Variants in HIVEP3 observed in about 807,000 individuals in gnomAD.
The protein encoded by HIVEP3 is HIVEP zinc finger 3, also known as transcription factor HIVEP3.
Under a neutral mutation model 152.8 loss-of-function variants are expected in HIVEP3, and 49 were observed. The ratio of observed to expected loss-of-function variants is 0.32; its 90% CI spans 0.26 to 0.41. The LOEUF (loss-of-function observed/expected upper bound fraction) is 0.41. Among genes scored for constraint, HIVEP3 ranks in the 10% least tolerant of loss-of-function variants. The probability of loss-of-function intolerance (pLI) is 1.00; values close to 1 mark genes in which losing one functional copy is unlikely to be tolerated. For synonymous variants in HIVEP3, 1,269 were observed against 1,289.0 expected, an observed-to-expected ratio of 0.98 and a Z score of 0.33; for missense variants, 2,790 against 3,103.3, an observed-to-expected ratio of 0.90 and a Z score of 2.40.
At chr1:41,959,584 C>T (rs1645158487) in intron 1 of HIVEP3, among the ~76,000 whole-genome samples, 1 of 152,208 alleles carries the variant, frequency 6.6e-6, no homozygotes, top group African/African-American at 2.4e-5. Flanking sequence ...GGACATAACA[C>T]CCTGTACAGG....
intron 1 of HIVEP3, among the ~76,000 whole-genome samples, chr1:41,910,804 G>GA (rs1298410322): frequency 6.6e-6 from 1 of 151,784 alleles, no homozygotes; most frequent in African/African-American, 2.4e-5. Context: ...TAATTTGAAA[G>GA]AAAAAAAGCT....
intron 1 of HIVEP3, among the ~76,000 whole-genome samples, chr1:41,845,776 A>G (rs1643426755): frequency 6.6e-6 from 1 of 152,168 alleles, no homozygotes; most frequent in Admixed American, 6.5e-5. Context: ...AATTAAAAAT[A>G]AAATTGGAGG....
At chr1:41,547,315 A>G (rs1162385861) in intron 5 of HIVEP3, among the ~76,000 whole-genome samples, 1 of 152,240 alleles carries the variant, frequency 6.6e-6, no homozygotes, top group Non-Finnish European at 1.5e-5. Flanking sequence ...AAATAGTAAA[A>G]GTCAAGCTAA....
At chr1:41,741,497 C>T (rs1483934395) in intron 1 of HIVEP3, among the ~76,000 whole-genome samples, 4 of 152,206 alleles carry the variant, frequency 2.6e-5, no homozygotes, top group South Asian at 2.1e-4. Context: ...AAGCTGCCCT[C>T]GCAGGGTGCA....
rs1645765154 is a variant in HIVEP3, at chr1:41,664,533, TC to T, written c.-720-35587del. Among the ~76,000 whole-genome samples, 1 of 152,236 alleles carries T rather than the reference TC, an allele frequency of 6.6e-6. No homozygotes were observed. The highest frequency in any genetic ancestry group is 1.5e-5 in the Non-Finnish European group (1 of 68,042). On this transcript the variant is annotated intron_variant, in intron 2 of 8. Transcript: ENST00000372583. This position sits in a 1 kb window ranked among gnomAD's most constrained non-coding sequence, Gnocchi z 4.4. ...ACATTGAAGTCAGTTATTGGGGGCC[TC>T]CTCTTCCTCAGACTGGGAGCTTCAG...
At chr1:41,681,997 G>C (rs1043000382) in intron 2 of HIVEP3, among the ~76,000 whole-genome samples, 1 of 152,010 alleles carries the variant, frequency 6.6e-6, no homozygotes, top group African/African-American at 2.4e-5. Flanking sequence ...ATAATCAAGG[G>C]AGCTCAGCCA....
chr1:41,818,348 C>T (rs1570601289), intron 1 of HIVEP3, among the ~76,000 whole-genome samples: 1 of 152,188 alleles, frequency 6.6e-6, no homozygotes, highest in East Asian at 1.9e-4. Context: ...TCTTCGTGTC[C>T]TGCTGGTGGG....
At chr1:41,991,900 C>A (rs1305323265) in intron 1 of HIVEP3, among the ~76,000 whole-genome samples, 3 of 127,200 alleles carry the variant, frequency 2.4e-5, no homozygotes, top group Admixed American at 7.9e-5. Context: ...ACAAAAACCA[C>A]ATGATTATCT....
chr1:41,656,353 T>G (rs185190156), intron 2 of HIVEP3, among the ~76,000 whole-genome samples: 1 of 152,342 alleles, frequency 6.6e-6, no homozygotes, highest in Admixed American at 6.5e-5. Flanking sequence ...ACATTGTGGT[T>G]CAGACAGGGG....
intron 1 of HIVEP3, among the ~76,000 whole-genome samples, chr1:42,015,132 AC>A (rs1303987832): frequency 6.6e-6 from 1 of 152,170 alleles, no homozygotes; most frequent in Non-Finnish European, 1.5e-5. Context: ...TCAAAATCCA[AC>A]CAGCACCACC....
At chr1:41,734,260 G>T (rs1646883313) in intron 1 of HIVEP3, among the ~76,000 whole-genome samples, 1 of 152,222 alleles carries the variant, frequency 6.6e-6, no homozygotes, top group South Asian at 2.1e-4. Context: ...ACCTATTCTA[G>T]CTGTGTGGCC....
chr1:41,583,176 T>A lies in HIVEP3; in HGVS notation c.1622A>T (p.His541Leu). The A allele has an allele frequency of 6.2e-7, 1 of 1,602,754 alleles. No homozygotes were observed. Among genetic ancestry groups the A allele is most frequent in the Non-Finnish European group, 8.5e-7 (1 of 1,173,114 alleles). ...AGTGCAGGCGGCAGAAGGCATTGAGTGGCTTCTCAGGAGAGGCACAGGGGG... is the reference window on the plus strand; with the variant it reads ...AGTGCAGGCGGCAGAAGGCATTGAGAGGCTTCTCAGGAGAGGCACAGGGGG... ...TAPPVPLLRS[H>L]SMPSAACTIS... Residue 541 changes from histidine to leucine, a missense_variant, in exon 4 of 9, where the codon CAC becomes CTC. His to Leu is a moderately conservative substitution (Grantham distance 99). This residue lies in a region of HIVEP3 where 339 missense variants were observed against 327.0 expected (regional missense o/e 1.04). Coordinates refer to ENST00000372583, the MANE Select transcript of HIVEP3 (RefSeq NM_024503.5). This position sits in a 1 kb window ranked among gnomAD's most constrained non-coding sequence, Gnocchi z 6.9.
At position 41,582,656 on chromosome 1, in the gene HIVEP3, C is replaced by T. The variant is rs1558085847; in HGVS notation, c.2142G>A (p.Lys714=). 1.2e-6 allele frequency: 2 copies of T among 1,614,166 alleles called. No individual in the cohort carries two copies. The highest frequency in any genetic ancestry group is 1.7e-6 in the Non-Finnish European group (2 of 1,180,034). Residue 714 remains lysine (K), a synonymous_variant, in exon 4 of 9, where the codon AAG becomes AAA. Transcript: ENST00000372583. The surrounding 1 kb of genome is among the most constrained non-coding windows in gnomAD (Gnocchi z 4.7). The part of the protein sequence containing the change: ...GTTLELTPLR[K]RRKEKSLGDE... ...CCCCAAGGCTCTTCTCTTTCCTCCTCTTCCTCAGTGGAGTGAGTTCCAGGG... is the reference window on the plus strand; with the variant it reads ...CCCCAAGGCTCTTCTCTTTCCTCCTTTTCCTCAGTGGAGTGAGTTCCAGGG...
At chr1:41,793,082 GTCATGGGAGGC>G (rs1466710762) in intron 1 of HIVEP3, among the ~76,000 whole-genome samples, 1 of 152,220 alleles carries the variant, frequency 6.6e-6, no homozygotes, top group Non-Finnish European at 1.5e-5. Flanking sequence ...GGAGTGGCCT[GTCATGGGAGGC>G]TCATACACTG....
Position 41,510,867 on chromosome 1 carries a change from G to A in HIVEP3, c.6805C>T (p.Leu2269=), listed in dbSNP as rs748971092. Reference sequence around the variant, plus strand: ...TCCTTGGGGTAGTCCCCGCCCTCCAGCTCTGAGGAGAGTGTGAATTTGGAG... The same window carrying A: ...TCCTTGGGGTAGTCCCCGCCCTCCAACTCTGAGGAGAGTGTGAATTTGGAG... ...KVSKFTLSSE[L]EGGDYPKERE... Residue 2269 remains leucine, a synonymous_variant, in exon 9 of 9, where the codon CTG becomes TTG. Coordinates refer to ENST00000372583, the MANE Select transcript of HIVEP3 (RefSeq NM_024503.5). 1 of 1,613,378 alleles carries A rather than the reference G, an allele frequency of 6.2e-7. No individual in the cohort carries two copies. The highest frequency in any genetic ancestry group is 8.5e-7 in the Non-Finnish European group (1 of 1,179,896).
chr1:42,000,304 GAGA>G (rs1336955587), intron 1 of HIVEP3, among the ~76,000 whole-genome samples: 2 of 152,196 alleles, frequency 1.3e-5, no homozygotes, highest in Admixed American at 6.5e-5. Flanking sequence ...GTAGATCCAG[GAGA>G]AGAACCCCCA....
At chr1:41,705,423 C>T (rs1325683906) in intron 1 of HIVEP3, among the ~76,000 whole-genome samples, 1 of 152,236 alleles carries the variant, frequency 6.6e-6, no homozygotes, top group East Asian at 1.9e-4. Flanking sequence ...TTCTCCCTGG[C>T]TCCTTCCACT....
chr1:41,987,097 ACAT>A (rs746966872), intron 1 of HIVEP3, among the ~76,000 whole-genome samples: 9 of 152,238 alleles, frequency 5.9e-5, no homozygotes, highest in Non-Finnish European at 1.2e-4. Flanking sequence ...AATGTGCCAG[ACAT>A]CATTGTAGGT....
chr1:41,655,160 T>C (rs748771938), intron 2 of HIVEP3, among the ~76,000 whole-genome samples: 7 of 152,096 alleles, frequency 4.6e-5, no homozygotes, highest in Non-Finnish European at 8.8e-5. Flanking sequence ...AAATGAGATG[T>C]TTCCATAGAC....
Sources: gnomAD v4.1 joint callset for allele counts (sites outside exome capture counted in the v4.1 genomes callset) on GRCh38, gnomAD v4.1.1 for gene constraint, gnomAD v4.1.1 regional missense constraint, Gnocchi (gnomAD v3.1) non-coding constraint, MANE v1.5 for transcripts, NCBI Gene and HGNC (gene_info 2026-07-23, HGNC 2026-07-21) for gene names.